The following SGCZ variants were observed in gnomAD, a reference collection of about 807,000 sequenced individuals.
The protein encoded by SGCZ is zeta-sarcoglycan.
In SGCZ, 40 loss-of-function variants were observed where a neutral mutation model predicts 41.3. The ratio of observed to expected loss-of-function variants is 0.97; its 90% CI spans 0.75 to 1.26. SGCZ has a LOEUF of 1.26. Ranked by LOEUF, SGCZ falls within the 50% of genes most tolerant of loss-of-function variation. The probability of loss-of-function intolerance (pLI) is 0.00; values close to 1 mark genes in which losing one functional copy is unlikely to be tolerated. For synonymous variants in SGCZ, 206 were observed against 137.5 expected (o/e 1.50, Z -3.49); for missense variants, 552 against 369.8 (o/e 1.49, Z -4.04).
At chr8:14,497,009 C>T (rs529570397) in intron 2 of SGCZ, among the ~76,000 whole-genome samples, 1 of 152,254 alleles carries the variant, frequency 6.6e-6, no homozygotes, top group East Asian at 1.9e-4. Context: ...ACCACATTTT[C>T]CCCTATGCAG....
At chr8:15,039,434 T>C (rs1803994835) in intron 1 of SGCZ, among the ~76,000 whole-genome samples, 1 of 151,914 alleles carries the variant, frequency 6.6e-6, no homozygotes, top group African/African-American at 2.4e-5. Flanking sequence ...AACTCAGAAG[T>C]AGAGAATAGA....
chr8:14,745,722 G>A (rs781236877), intron 1 of SGCZ, among the ~76,000 whole-genome samples: 8 of 151,876 alleles, frequency 5.3e-5, no homozygotes, highest in South Asian at 4.2e-4. Flanking sequence ...AAATTTAACC[G>A]AGCTACAAGA....
chr8:14,355,363 G>C (rs1465849577), intron 2 of SGCZ, among the ~76,000 whole-genome samples: 1 of 152,032 alleles, frequency 6.6e-6, no homozygotes, highest in African/African-American at 2.4e-5. Flanking sequence ...GTCAACAGTA[G>C]TAGCTAGATT....
At chr8:14,905,832 A>T (rs899725654) in intron 1 of SGCZ, among the ~76,000 whole-genome samples, 1 of 152,064 alleles carries the variant, frequency 6.6e-6, no homozygotes, top group Non-Finnish European at 1.5e-5. Context: ...ACTCAAAACC[A>T]TTCGTACAAA....
intron 1 of SGCZ, among the ~76,000 whole-genome samples, chr8:14,967,679 C>A (rs1263870760): frequency 6.6e-6 from 1 of 152,068 alleles, no homozygotes; most frequent in African/African-American, 2.4e-5. Flanking sequence ...TTGAGATTTT[C>A]CCCTAAATAT....
At position 14,222,792 on chromosome 8, in the gene SGCZ, ATTTTTTTTTTTTTTTTTTTTTTT is replaced by A. The variant is rs775444301; in HGVS notation, c.424+14777_424+14799del. ...ATTCCACCCTCTCTCAGTCACAGTG[ATTTTTTTTTTTTTTTTTTTTTTT>A]TTTTTTTTTTTTTTTGAGGCAGAGT... is the stretch of plus-strand genomic sequence containing the variant. On this transcript the variant is annotated intron_variant, in intron 4 of 7. Coordinates refer to ENST00000382080, the MANE Select transcript of SGCZ (RefSeq NM_139167.4). 1.6e-3 allele frequency among the ~76,000 whole-genome samples: 77 copies of A among 48,896 alleles called. 1 individual carries two copies. Among genetic ancestry groups the A allele is most frequent in the Non-Finnish European group, 2.2e-3 (63 of 29,186 alleles). 32.1% of individuals were successfully genotyped at this position (48,896 alleles called of 152,430 possible).
intron 1 of SGCZ, among the ~76,000 whole-genome samples, chr8:14,826,355 C>T (rs1024833136): frequency 2.6e-5 from 4 of 152,032 alleles, no homozygotes; most frequent in African/African-American, 7.2e-5. Flanking sequence ...TGGCTTGGTT[C>T]CAAGTCTTTG....
intron 2 of SGCZ, among the ~76,000 whole-genome samples, chr8:14,338,042 G>T (rs1305427814): frequency 1.3e-5 from 2 of 152,166 alleles, no homozygotes; most frequent in African/African-American, 4.8e-5. Flanking sequence ...TCAATTGGTA[G>T]CAGGCAAGAT....
intron 3 of SGCZ, among the ~76,000 whole-genome samples, chr8:14,258,222 T>C (rs1320986510): frequency 2.1e-5 from 3 of 145,352 alleles, no homozygotes; most frequent in African/African-American, 7.4e-5. Context: ...GTTTCCCCCA[T>C]GTATGAAGAT....
intron 6 of SGCZ, among the ~76,000 whole-genome samples, chr8:14,105,331 T>C (rs545978257): frequency 1.3e-5 from 2 of 152,264 alleles, no homozygotes; most frequent in African/African-American, 4.8e-5. Context: ...ACTCTATTAA[T>C]AAACTTTTGA....
At chr8:14,843,855 G>A (rs895866612) in intron 1 of SGCZ, among the ~76,000 whole-genome samples, 2 of 151,800 alleles carry the variant, frequency 1.3e-5, no homozygotes, top group African/African-American at 4.8e-5. Context: ...TGGGTTCCCA[G>A]TCTAGTCTTA....
chr8:14,244,714 C>T (rs902516659), intron 3 of SGCZ, among the ~76,000 whole-genome samples: 5 of 151,880 alleles, frequency 3.3e-5, no homozygotes, highest in Non-Finnish European at 5.9e-5. Flanking sequence ...ATTGATTCTT[C>T]CTACCCATGA....
chr8:14,756,201 T>C (rs931875871), intron 1 of SGCZ, among the ~76,000 whole-genome samples: 1 of 151,596 alleles, frequency 6.6e-6, no homozygotes, highest in African/African-American at 2.4e-5. Flanking sequence ...TTTTTTTTTT[T>C]TTTGAGACAG....
At chr8:14,155,762 C>T (rs1018517202) in intron 5 of SGCZ, among the ~76,000 whole-genome samples, 1 of 151,422 alleles carries the variant, frequency 6.6e-6, no homozygotes, top group African/African-American at 2.4e-5. Context: ...TCATGTGTTG[C>T]TTAACAGAGT....
chr8:14,629,423 A>C (rs1389035475), intron 1 of SGCZ, among the ~76,000 whole-genome samples: 1 of 152,138 alleles, frequency 6.6e-6, no homozygotes, highest in African/African-American at 2.4e-5. Flanking sequence ...TTATTTTTGC[A>C]TTTATAATGT....
intron 4 of SGCZ, among the ~76,000 whole-genome samples, chr8:14,183,937 A>C (rs1804817402): frequency 6.6e-6 from 1 of 152,276 alleles, no homozygotes; most frequent in South Asian, 2.1e-4. Flanking sequence ...ATTCCAAAGA[A>C]TCCACAAAGA....
chr8:14,624,486 T>C (rs1444456163), intron 1 of SGCZ, among the ~76,000 whole-genome samples: 1 of 151,290 alleles, frequency 6.6e-6, no homozygotes, highest in African/African-American at 2.4e-5. Flanking sequence ...TAATTTTTTC[T>C]ATGCATGTCC....
At chr8:14,772,420 G>A (rs1328237797) in intron 1 of SGCZ, among the ~76,000 whole-genome samples, 1 of 149,794 alleles carries the variant, frequency 6.7e-6, no homozygotes, top group Non-Finnish European at 1.5e-5. Flanking sequence ...ATGACTCTTA[G>A]TATTTCTTTT....
At chr8:14,712,997 A>C (rs1171029050) in intron 1 of SGCZ, among the ~76,000 whole-genome samples, 1 of 152,136 alleles carries the variant, frequency 6.6e-6, no homozygotes, top group African/African-American at 2.4e-5. Context: ...TGACAAATGT[A>C]GTCATTTCCT....
Sources: allele counts gnomAD v4.1 joint callset (sites outside exome capture counted in the v4.1 genomes callset), GRCh38; gene constraint gnomAD v4.1.1; transcripts MANE v1.5; gene names NCBI Gene and HGNC (gene_info 2026-07-23, HGNC 2026-07-21).